The following RALA variants were observed in gnomAD, a reference collection of about 807,000 sequenced individuals.
The protein encoded by RALA is RAS like proto-oncogene A, also known as ras-related protein Ral-A.
RALA carries 5 observed loss-of-function variants against 24.0 expected under a neutral mutation model. That is an observed-to-expected ratio of 0.21 (90% CI 0.11 to 0.44). The LOEUF (loss-of-function observed/expected upper bound fraction) is 0.44. Among genes scored for constraint, RALA ranks in the 20% least tolerant of loss-of-function variants. The pLI is 0.99. For missense variants in RALA, 95 were observed against 241.2 expected (o/e 0.39, Z 4.01); for synonymous variants, 77 against 83.8 (o/e 0.92, Z 0.44).
chr7:39,703,125 CAA>C (rs1260549571), intron 4 of RALA: 2 of 152,178 alleles, frequency 1.3e-5, no homozygotes, highest in Non-Finnish European at 2.9e-5. Flanking sequence ...ATTAAACAGA[CAA>C]AATTCAATTG....
intron 1 of RALA, among the ~76,000 whole-genome samples, chr7:39,654,279 A>G (rs143846102): frequency 3.7e-4 from 56 of 152,326 alleles, no homozygotes; most frequent in African/African-American, 1.3e-3. Context: ...TAAAATATGT[A>G]TTTATAGAAT....
At chr7:39,644,837 G>A (rs1460582355) in intron 1 of RALA, among the ~76,000 whole-genome samples, 2 of 152,196 alleles carry the variant, frequency 1.3e-5, no homozygotes, top group African/African-American at 4.8e-5. Context: ...CAGAAGTAAT[G>A]TTTGTCAGAG....
chr7:39,683,763 AC>A (rs1792646448), intron 1 of RALA, among the ~76,000 whole-genome samples: 1 of 152,034 alleles, frequency 6.6e-6, no homozygotes. Context: ...CTTCTGAGTC[AC>A]AGATTGTGTT....
At position 39,707,932 on chromosome 7, in the gene RALA, T is replaced by C. The variant is rs1387307242; in HGVS notation, c.*1687T>C. The C allele has an allele frequency of 6.6e-6, 1 of 152,628 alleles. No individual in the cohort carries two copies. The highest frequency in any genetic ancestry group is 1.5e-5 in the Non-Finnish European group (1 of 68,042). The allele number at this position is 152,628 out of a possible 1,614,324, so 9.5% of individuals were successfully genotyped here. On this transcript the variant is annotated 3_prime_UTR_variant, in exon 5 of 5. Transcript: ENST00000005257. ...CAATCTCCATGTGTACTTATTACAG[T>C]CTTATTTAACCAGGGGTCCTAACCA...
intron 1 of RALA, among the ~76,000 whole-genome samples, chr7:39,652,603 C>T (rs2115972282): frequency 6.6e-6 from 1 of 152,134 alleles, no homozygotes. Context: ...AAGAATAAAG[C>T]AATTCTAATA....
At chr7:39,668,588 C>T (rs946768074) in intron 1 of RALA, among the ~76,000 whole-genome samples, 3 of 151,528 alleles carry the variant, frequency 2.0e-5, no homozygotes, top group Non-Finnish European at 2.9e-5. Context: ...CACCTGAGAT[C>T]GGGAGTTGAG....
intron 4 of RALA, among the ~76,000 whole-genome samples, chr7:39,704,703 T>C (rs1413438400): frequency 1.3e-5 from 2 of 152,066 alleles, no homozygotes; most frequent in Admixed American, 6.6e-5. Context: ...TGAGACTGAG[T>C]CTTGCTCTGT....
chr7:39,685,173 G>A (rs577068758), intron 1 of RALA, among the ~76,000 whole-genome samples: 119 of 152,348 alleles, frequency 7.8e-4, no homozygotes, highest in Non-Finnish European at 1.3e-3. Context: ...ACAGAGCAGA[G>A]GAGAACCTAA....
chr7:39,699,769 G>A (rs572826319), intron 4 of RALA, among the ~76,000 whole-genome samples: 8 of 152,216 alleles, frequency 5.3e-5, no homozygotes, highest in African/African-American at 1.9e-4. Flanking sequence ...GGTACCTGTG[G>A]TTGCCTCCAG....
intron 1 of RALA, among the ~76,000 whole-genome samples, chr7:39,681,980 C>G (rs1792611344): frequency 6.6e-6 from 1 of 152,154 alleles, no homozygotes; most frequent in African/African-American, 2.4e-5. Flanking sequence ...TGTTTTCTCC[C>G]ATCCAGTCAA....
At chr7:39,664,509 G>A (rs1383866788) in intron 1 of RALA, among the ~76,000 whole-genome samples, 4 of 152,062 alleles carry the variant, frequency 2.6e-5, no homozygotes, top group East Asian at 1.9e-4. Context: ...CAAACACTAC[G>A]TCTCTGAATT....
intron 1 of RALA, among the ~76,000 whole-genome samples, chr7:39,652,166 G>A (rs1190686551): frequency 6.6e-6 from 1 of 152,190 alleles, no homozygotes; most frequent in Non-Finnish European, 1.5e-5. Flanking sequence ...GCAAGAGAGG[G>A]TGAAAGGGCA....
rs1267581375 is a variant in RALA at position 39,707,903 on chromosome 7, C to T, written c.*1658C>T. 1.3e-5 allele frequency: 2 copies of T among 152,618 alleles called. No homozygotes were observed. The highest frequency in any genetic ancestry group is 4.8e-5 in the African/African-American group (2 of 41,446). The allele number at this position is 152,618 out of a possible 1,614,324, so 9.5% of individuals were successfully genotyped here. A position where few individuals can be genotyped will look rare whatever the true frequency, so the allele number is the denominator to read the frequency against. ...ACCAATGTAACACTGGCCAGCGGGC[C>T]CAGCAATCTCCATGTGTACTTATTA... On this transcript the variant is annotated 3_prime_UTR_variant, in exon 5 of 5. Transcript: ENST00000005257.
At chr7:39,688,960 GGAGA>G (rs994968378) in intron 2 of RALA, among the ~76,000 whole-genome samples, 4 of 151,904 alleles carry the variant, frequency 2.6e-5, no homozygotes, top group Admixed American at 6.6e-5. Flanking sequence ...GACAGGGGAG[GGAGA>G]GAGAGAGAGT....
intron 1 of RALA, among the ~76,000 whole-genome samples, chr7:39,682,957 TC>T (rs1449718335): frequency 1.3e-5 from 2 of 152,114 alleles, no homozygotes; most frequent in Non-Finnish European, 2.9e-5. Flanking sequence ...GGAAATTTAA[TC>T]CCCAAATTCA....
At chr7:39,634,278 T>C (rs1791648401) in intron 1 of RALA, among the ~76,000 whole-genome samples, 1 of 152,170 alleles carries the variant, frequency 6.6e-6, no homozygotes, top group African/African-American at 2.4e-5. Context: ...GTTTTCACTT[T>C]TCCTGTGACC....
At chr7:39,655,375 ACTAAT>A (rs1424324874) in intron 1 of RALA, among the ~76,000 whole-genome samples, 1 of 152,224 alleles carries the variant, frequency 6.6e-6, no homozygotes, top group African/African-American at 2.4e-5. Context: ...GAAAGTACTA[ACTAAT>A]CTATATTTAC....
rs566066628 is a variant in RALA at position 39,706,027 on chromosome 7, T to C, written c.499-96T>C. ...CCAAACAAGAGCTCTTAAATATTTA[T>C]ACTTCTGTTACCCCCAAAGTTTACT... On this transcript the variant is annotated intron_variant, in intron 4 of 4. Coordinates refer to ENST00000005257, the MANE Select transcript of RALA (RefSeq NM_005402.4). 5.2e-5 allele frequency: 57 copies of C among 1,104,192 alleles called. No individual in the cohort carries two copies. In the African/African-American group the frequency reaches 8.3e-4, roughly 16 times the overall value. 68.4% of individuals were successfully genotyped at this position (1,104,192 alleles called of 1,614,324 possible).
intron 3 of RALA, among the ~76,000 whole-genome samples, chr7:39,696,138 T>TA (rs1207469479): frequency 6.6e-6 from 1 of 152,218 alleles, no homozygotes; most frequent in Non-Finnish European, 1.5e-5. Flanking sequence ...GTGGATAACT[T>TA]ACCTCTCAAT....
Sources: allele counts gnomAD v4.1 joint callset (sites outside exome capture counted in the v4.1 genomes callset), GRCh38; gene constraint gnomAD v4.1.1; transcripts MANE v1.5; gene names NCBI Gene and HGNC (gene_info 2026-07-23, HGNC 2026-07-21).